Variants in FGF1 observed in about 807,000 individuals in gnomAD.
The protein encoded by FGF1 is beta-endothelial cell growth factor.
In FGF1, 9 loss-of-function variants were observed where a neutral mutation model predicts 13.4. That is an observed-to-expected ratio of 0.67 (90% CI 0.40 to 1.17). The LOEUF (loss-of-function observed/expected upper bound fraction) is 1.17. FGF1 is among the 50% of genes most tolerant of loss of function. The pLI is 0.01. For missense variants in FGF1, 156 were observed against 192.7 expected (o/e 0.81, Z 1.13); for synonymous variants, 93 against 79.0 (o/e 1.18, Z -0.94).
chr5:142,662,635 G>GTCAT (rs34916756), intron 1 of FGF1, among the ~76,000 whole-genome samples: 45,042 of 151,516 alleles, frequency 0.3, 7,509 homozygotes, highest in African/African-American at 0.46. Context: ...ATGACTGCTG[G>GTCAT]TCATTCATTC....
intron 3 of FGF1, among the ~76,000 whole-genome samples, chr5:142,596,932 CTT>C (rs1168323663): frequency 1.3e-5 from 2 of 152,080 alleles, no homozygotes; most frequent in Admixed American, 6.5e-5. Flanking sequence ...TGGATATAGA[CTT>C]ATGATATCAT....
intron 1 of FGF1, among the ~76,000 whole-genome samples, chr5:142,658,806 G>GT (rs1167873518): frequency 6.6e-6 from 1 of 152,098 alleles, no homozygotes; most frequent in Non-Finnish European, 1.5e-5. Context: ...GAGAGTTGCC[G>GT]TCCTGGTACC....
At chr5:142,689,455 C>T (rs541524540), upstream of FGF1, among the ~76,000 whole-genome samples, 39 of 152,276 alleles carry the variant, frequency 2.6e-4, 1 homozygote, top group African/African-American at 9.4e-4. Context: ...ACCAGCCAGC[C>T]ACAAACATCA....
At chr5:142,684,588 C>G (rs529614962) in intron 1 of FGF1, among the ~76,000 whole-genome samples, 1 of 152,144 alleles carries the variant, frequency 6.6e-6, no homozygotes. Flanking sequence ...GGACTTTCCT[C>G]GGAAGCCCTC....
chr5:142,648,056 G>T (rs1766503059), intron 1 of FGF1, among the ~76,000 whole-genome samples: 1 of 152,178 alleles, frequency 6.6e-6, no homozygotes, highest in Non-Finnish European at 1.5e-5. Context: ...CTGCATTCCA[G>T]TCTGGGTGAC....
chr5:142,622,044 ATTAT>A (rs1761727841), intron 1 of FGF1, among the ~76,000 whole-genome samples: 1 of 152,200 alleles, frequency 6.6e-6, no homozygotes, highest in Non-Finnish European at 1.5e-5. Flanking sequence ...CACTCTTGTG[ATTAT>A]TTAATGTCTC....
chr5:142,598,563 C>T (rs1020237360), intron 3 of FGF1, among the ~76,000 whole-genome samples: 1 of 151,968 alleles, frequency 6.6e-6, no homozygotes, highest in African/African-American at 2.4e-5. Context: ...CATTCTCCAC[C>T]CCCAGAGATA....
At position 142,655,478 on chromosome 5, in the gene FGF1, C is replaced by T. The variant is rs113513429; in HGVS notation, c.-35+30479G>A. Among the ~76,000 whole-genome samples, 806 of 152,296 alleles carry T rather than the reference C, an allele frequency of 5.3e-3. 5 individuals are homozygous for T. Among genetic ancestry groups the T allele is most frequent in the African/African-American group, 0.017 (727 of 41,556 alleles). On this transcript the variant is annotated intron_variant, in intron 1 of 3. Coordinates refer to ENST00000337706, the MANE Select transcript of FGF1 (RefSeq NM_000800.5). The stretch of plus-strand genomic sequence containing the variant: ...ACGTCAATCTCAGCCATACTTTGCT[C>T]ACAGGCATTGGGTAATGACACATAG...
chr5:142,595,323 G>A lies in FGF1; in HGVS notation c.435C>T (p.Ile145=), dbSNP rs1322401579. The A allele has an allele frequency of 1.2e-6, 2 of 1,614,028 alleles. No individual in the cohort carries two copies. The highest frequency in any genetic ancestry group is 4.5e-5 in the East Asian group (2 of 44,876). Residue 145 remains isoleucine, a synonymous_variant, in exon 4 of 4, where the codon ATC becomes ATT. Coordinates refer to ENST00000337706, the MANE Select transcript of FGF1 (RefSeq NM_000800.5). ...AAGAGACTGGCAGGGGGAGAAACAA[G>A]ATTGCTTTCTGGCCATAGTGAGTCC... ...GPRTHYGQKA[I]LFLPLPVSSD
chr5:142,611,878 A>G (rs1759131353), intron 2 of FGF1, among the ~76,000 whole-genome samples: 2 of 152,204 alleles, frequency 1.3e-5, no homozygotes. Context: ...GTGTTACCAT[A>G]TGCTAGGCTG....
intron 1 of FGF1, among the ~76,000 whole-genome samples, chr5:142,642,330 T>C (rs940197703): frequency 6.6e-6 from 1 of 152,184 alleles, no homozygotes; most frequent in African/African-American, 2.4e-5. Flanking sequence ...TACACTCAAG[T>C]TCATTTTCCT....
intron 2 of FGF1, chr5:142,601,075 A>G: frequency 1.7e-6 from 1 of 590,942 alleles, no homozygotes; most frequent in Non-Finnish European, 3.2e-6. Flanking sequence ...TTACAAAATG[A>G]CCCTGAGTGC....
At chr5:142,599,495 T>A (rs960167698) in intron 3 of FGF1, among the ~76,000 whole-genome samples, 1 of 152,128 alleles carries the variant, frequency 6.6e-6, no homozygotes, top group African/African-American at 2.4e-5. Context: ...CTACTGACTG[T>A]CTTTTTGAAG....
chr5:142,648,078 C>G (rs939407309), intron 1 of FGF1, among the ~76,000 whole-genome samples: 3 of 152,134 alleles, frequency 2.0e-5, no homozygotes, highest in African/African-American at 7.2e-5. Flanking sequence ...GAGTGAGACT[C>G]TATCTCAAAA....
At chr5:142,692,176 A>C (rs1025900197) in intron 2 of FGF1, among the ~76,000 whole-genome samples, 1 of 152,048 alleles carries the variant, frequency 6.6e-6, no homozygotes, top group Admixed American at 6.6e-5. Context: ...ACCAAAAAAA[A>C]CCCCACAAAA....
chr5:142,657,512 C>A (rs1768381669), intron 1 of FGF1, among the ~76,000 whole-genome samples: 1 of 152,244 alleles, frequency 6.6e-6, no homozygotes, highest in South Asian at 2.1e-4. Context: ...TGGTCTCCTC[C>A]CACACCTGAT....
At chr5:142,681,036 G>A (rs1597449254) in intron 1 of FGF1, among the ~76,000 whole-genome samples, 1 of 152,198 alleles carries the variant, frequency 6.6e-6, no homozygotes, top group East Asian at 1.9e-4. Flanking sequence ...AGTTCCTGGA[G>A]GAGCAGAGAT....
At chr5:142,693,435 GC>G (rs1243727099) in intron 2 of FGF1, among the ~76,000 whole-genome samples, 4 of 152,186 alleles carry the variant, frequency 2.6e-5, no homozygotes, top group Non-Finnish European at 5.9e-5. Flanking sequence ...GGGATTACAG[GC>G]GTGCGCCACC....
rs1754955766 is a variant in FGF1, at chr5:142,595,005, A to G, written c.*285T>C. On this transcript the variant is annotated 3_prime_UTR_variant, in exon 4 of 4. Transcript: ENST00000337706. ...ACACTTCATTTAGCCCCACTTTTGC[A>G]TGGAGGGACTCAGCCTGCAAGAGGC... 2.8e-6 allele frequency: 1 copy of G among 352,556 alleles called. No homozygotes were observed. Among genetic ancestry groups the G allele is most frequent in the Non-Finnish European group, 5.1e-6 (1 of 194,730 alleles). 21.8% of individuals were successfully genotyped at this position (352,556 alleles called of 1,614,324 possible).
Sources: gnomAD v4.1 joint callset for allele counts (sites outside exome capture counted in the v4.1 genomes callset) on GRCh38, gnomAD v4.1.1 for gene constraint, MANE v1.5 for transcripts, NCBI Gene and HGNC (gene_info 2026-07-23, HGNC 2026-07-21) for gene names.